GLI4: variants seen among roughly 807,000 people sequenced by gnomAD.
GLI4 encodes zinc finger protein GLI4.
In GLI4, 34 loss-of-function variants were observed where a neutral mutation model predicts 30.9. The observed-to-expected ratio is 1.10, with a 90% CI of 0.84 to 1.47. The LOEUF is 1.47. GLI4 is among the 40% of genes most tolerant of loss of function. The probability of loss-of-function intolerance (pLI) is 0.00; values close to 1 mark genes in which losing one functional copy is unlikely to be tolerated. For synonymous variants in GLI4, 277 were observed against 236.7 expected (o/e 1.17, Z -1.56); for missense variants, 696 against 538.9 (o/e 1.29, Z -2.89).
intron 2 of GLI4, among the ~76,000 whole-genome samples, chr8:143,271,405 C>T (rs1276720388): frequency 6.6e-6 from 1 of 152,236 alleles, no homozygotes; most frequent in Non-Finnish European, 1.5e-5. Context: ...TGGGCAGCTA[C>T]TGTCCCAACT....
intron 1 of GLI4, chr8:143,268,157 C>T: frequency 2.3e-6 from 2 of 871,634 alleles, no homozygotes; most frequent in Non-Finnish European, 2.8e-6. Context: ...CACCCAGTGG[C>T]CACCTACCTG....
At chr8:143,271,644 C>T (rs1046532407) in intron 2 of GLI4, among the ~76,000 whole-genome samples, 1 of 152,146 alleles carries the variant, frequency 6.6e-6, no homozygotes, top group Non-Finnish European at 1.5e-5. Context: ...TGGGGCCCAC[C>T]CCAGGCACAT....
chr8:143,267,692 A>G (rs60980647), intron 1 of GLI4: 7 of 985,038 alleles, frequency 7.1e-6, no homozygotes, highest in Non-Finnish European at 8.4e-6. Context: ...CGCCCCGCCC[A>G]GCGGCCCTGG....
In GLI4 at chr8:143,269,535, C is replaced by T. The variant is rs577328798; in HGVS notation, c.124+15C>T. 2.6e-5 allele frequency: 41 copies of T among 1,607,374 alleles called. No homozygotes were observed. The highest frequency in any genetic ancestry group is 1.1e-4 in the East Asian group (5 of 44,856). On this transcript the variant is annotated intron_variant, in intron 2 of 3. Transcript: ENST00000340042. ...GCATCAACATGGTACTCACCCAGCC[C>T]GCTGTGCGCCCTCCACCCTGCATCC...
Position 143,276,306 on chromosome 8 carries a change from C to A in GLI4, c.633C>A (p.Tyr211Ter). 6.2e-7 allele frequency: 1 copy of A among 1,611,820 alleles called. No homozygotes were observed. Among genetic ancestry groups the A allele is most frequent in the Non-Finnish European group, 8.5e-7 (1 of 1,179,494 alleles). Residue 211 changes from tyrosine (Y) to a stop codon, truncating the protein, a stop_gained, in exon 4 of 4, where the codon TAC becomes TAA. Coordinates refer to ENST00000340042, the MANE Select transcript of GLI4 (RefSeq NM_138465.4). LOFTEE classifies it high-confidence loss of function. ...HQRIHTGEKP[Y>*]ACHECGKRFR... Reference sequence around the variant, plus strand: ...GCATCCACACGGGCGAGAAGCCCTACGCCTGCCACGAGTGCGGCAAGCGCT... The same window carrying A: ...GCATCCACACGGGCGAGAAGCCCTAAGCCTGCCACGAGTGCGGCAAGCGCT...
chr8:143,273,016 GAA>G (rs1029860821), intron 2 of GLI4: 3 of 152,228 alleles, frequency 2.0e-5, no homozygotes, highest in Admixed American at 1.3e-4. Flanking sequence ...ACAGCCCGGG[GAA>G]CATCCTGCCT....
rs1022495004 is a variant in GLI4, at chr8:143,275,156, G to A, written c.223+354G>A. ...GGCACCACTGTCCCCCCAGATCCAC[G>A]AGTTATCCTGTGTCCCCTCCTCCTC... On this transcript the variant is annotated intron_variant, in intron 3 of 3. Transcript: ENST00000340042. 5.2e-6 allele frequency: 8 copies of A among 1,535,616 alleles called. No individual in the cohort carries two copies. In the Admixed American group the frequency reaches 5.9e-5, roughly 11 times the overall value.
chr8:143,267,554 T>C, intron 1 of GLI4, 70 bp downstream of exon 1: 1 of 985,410 alleles, frequency 1.0e-6, no homozygotes, highest in South Asian at 4.7e-5. Flanking sequence ...TCGTGCGCCG[T>C]ACTCCGCGGT....
intron 2 of GLI4, among the ~76,000 whole-genome samples, chr8:143,272,181 A>C (rs1342245740): frequency 6.6e-6 from 1 of 152,118 alleles, no homozygotes; most frequent in Non-Finnish European, 1.5e-5. Context: ...CTGAGTGCCC[A>C]GGCTGTTAGG....
In GLI4 at chr8:143,276,444, C is replaced by G. The variant is rs762529814; in HGVS notation, c.771C>G (p.His257Gln). ...AFSHSSHFTQ[H>Q]LRIHNGEKPY... ...GCCACAGCTCGCACTTCACGCAGCA[C>G]CTGCGCATCCACAACGGCGAGAAGC... The change falls in exon 4 of 4, where the codon CAC becomes CAG. Residue 257 changes from histidine to glutamine, a missense_variant. Physicochemically the swap from His to Gln is conservative, Grantham distance 24 (BLOSUM62 0). Transcript: ENST00000340042. 3.1e-5 allele frequency: 50 copies of G among 1,612,706 alleles called. No homozygotes were observed. The highest frequency in any genetic ancestry group is 4.1e-5 in the Non-Finnish European group (48 of 1,179,800).
chr8:143,271,780 C>T (rs141612851), intron 2 of GLI4, among the ~76,000 whole-genome samples: 19 of 152,036 alleles, frequency 1.2e-4, no homozygotes, highest in Non-Finnish European at 2.1e-4. Context: ...GCATGAGGAG[C>T]GGCCGGGTAA....
chr8:143,270,177 G>A (rs1586726185), intron 2 of GLI4, among the ~76,000 whole-genome samples: 2 of 152,272 alleles, frequency 1.3e-5, no homozygotes, highest in Admixed American at 6.5e-5. Context: ...CCCCATATAG[G>A]TCAAGCCTGG....
At chr8:143,274,951 G>A (rs989684889) in intron 3 of GLI4, 149 bp downstream of exon 3, 240 of 1,476,226 alleles carry the variant, frequency 1.6e-4, no homozygotes, top group Non-Finnish European at 2.0e-4. Flanking sequence ...CCTCTGCCCC[G>A]TGGCCCCTCC....
intron 1 of GLI4, chr8:143,267,689 C>G: frequency 1.0e-6 from 1 of 985,390 alleles, no homozygotes; most frequent in Non-Finnish European, 1.2e-6. Context: ...GACCGCCCCG[C>G]CCAGCGGCCC....
Position 143,276,633 on chromosome 8 carries a change from G to C in GLI4, c.960G>C (p.Glu320Asp), listed in dbSNP as rs377354330. Residue 320 changes from glutamate (E) to aspartate (D), a missense_variant, in exon 4 of 4, where the codon GAG becomes GAC. By Grantham distance (45) the Glu-to-Asp change is conservative. Coordinates refer to ENST00000340042, the MANE Select transcript of GLI4 (RefSeq NM_138465.4). ...LIEHQRIHTG[E>D]KPYECSDCGK... ...AGCACCAGCGCATCCACACTGGCGA[G>C]AAGCCCTACGAGTGCTCCGACTGCG... 31 of 1,612,456 alleles carry C rather than the reference G, an allele frequency of 1.9e-5. No individual in the cohort carries two copies. The highest frequency in any genetic ancestry group is 2.5e-5 in the Non-Finnish European group (29 of 1,179,784).
chr8:143,270,351 G>A (rs1815240559), intron 2 of GLI4, among the ~76,000 whole-genome samples: 1 of 152,226 alleles, frequency 6.6e-6, no homozygotes, highest in Non-Finnish European at 1.5e-5. Flanking sequence ...GAGTCCGGGG[G>A]GCTCCCCCAA....
At chr8:143,269,543 G>A (rs370732649) in intron 2 of GLI4, 23 bp downstream of exon 2, 52 of 1,601,750 alleles carry the variant, frequency 3.2e-5, no homozygotes, top group Admixed American at 1.5e-4. Context: ...CCCGCTGTGC[G>A]CCCTCCACCC....
chr8:143,270,221 C>T (rs1301278559), intron 2 of GLI4, among the ~76,000 whole-genome samples: 1 of 152,260 alleles, frequency 6.6e-6, no homozygotes, highest in Non-Finnish European at 1.5e-5. Flanking sequence ...TGGGGGCAAC[C>T]TGGCACAGGG....
intron 2 of GLI4, among the ~76,000 whole-genome samples, chr8:143,271,224 A>G (rs59132370): frequency 0.47 from 71,850 of 152,128 alleles, 17,743 homozygotes; most frequent in East Asian, 0.69. Flanking sequence ...GAGAACAGCA[A>G]GTGTGGCTGC....
Sources: allele counts gnomAD v4.1 joint callset (sites outside exome capture counted in the v4.1 genomes callset), GRCh38; gene constraint gnomAD v4.1.1; transcripts MANE v1.5; gene names NCBI Gene and HGNC (gene_info 2026-07-23, HGNC 2026-07-21).